CCDC88A: variants seen among roughly 807,000 people sequenced by gnomAD.
The protein encoded by CCDC88A is coiled-coil and HOOK domain protein 88A, also known as girdin.
In CCDC88A, 54 loss-of-function variants were observed where a neutral mutation model predicts 234.3. That is an observed-to-expected ratio of 0.23 (90% CI 0.19 to 0.29). The LOEUF is 0.29. Among genes scored for constraint, CCDC88A ranks in the 10% least tolerant of loss-of-function variants. The pLI, the probability that CCDC88A is intolerant of heterozygous loss-of-function variation, is 1.00. For missense variants in CCDC88A, 1,832 were observed against 2,123.4 expected, an observed-to-expected ratio of 0.86 and a Z score of 2.70; for synonymous variants, 753 against 737.8, an observed-to-expected ratio of 1.02 and a Z score of -0.33.
Position 55,317,515 on chromosome 2 carries a change from G to T in CCDC88A, c.3602+49C>A. On this transcript the variant is annotated intron_variant, in intron 20 of 32. Coordinates refer to ENST00000436346, the MANE Select transcript of CCDC88A (RefSeq NM_001365480.1). The surrounding 1 kb of genome is among the most constrained non-coding windows in gnomAD (Gnocchi z 4.2). ...ATATATAAAATTTATTATACTACTT[G>T]AAGAAAATTCATTTTAAATTCACAG... 7.3e-7 allele frequency: 1 copy of T among 1,360,708 alleles called. No individual in the cohort carries two copies. Among genetic ancestry groups the T allele is most frequent in the Middle Eastern group, 2.2e-4 (1 of 4,600 alleles). The allele number at this position is 1,360,708 out of a possible 1,614,324, so 84.3% of individuals were successfully genotyped here. A position where few individuals can be genotyped will look rare whatever the true frequency, so the allele number is the denominator to read the frequency against.
chr2:55,321,908 A>AT (rs1683676868), intron 18 of CCDC88A, among the ~76,000 whole-genome samples: 1 of 95,168 alleles, frequency 1.1e-5, no homozygotes, highest in Non-Finnish European at 2.2e-5. Flanking sequence ...TAAAGGTACT[A>AT]TTTTTGTGTT....
At chr2:55,366,766 C>T (rs771284082) in intron 5 of CCDC88A, among the ~76,000 whole-genome samples, 33 of 152,000 alleles carry the variant, frequency 2.2e-4, no homozygotes, top group Non-Finnish European at 4.0e-4. Flanking sequence ...AGAAAGAAGA[C>T]AGGTTTATAT....
chr2:55,335,250 G>A lies in CCDC88A; in HGVS notation c.1657-86C>T. On this transcript the variant is annotated intron_variant, in intron 14 of 32. Transcript: ENST00000436346. The surrounding 1 kb of genome is among the most constrained non-coding windows in gnomAD (Gnocchi z 4.5). ...TCTTCCAAAAACTACCAAGAAAAGG[G>A]GAACAAAAAAAGGGTGCTAGAACAT... The A allele has an allele frequency of 1.2e-6, 1 of 843,656 alleles. No homozygotes were observed. The allele number at this position is 843,656 out of a possible 1,614,324, so 52.3% of individuals were successfully genotyped here. A position where few individuals can be genotyped will look rare whatever the true frequency, so the allele number is the denominator to read the frequency against.
intron 17 of CCDC88A, chr2:55,323,089 G>C (rs1402364396): frequency 6.5e-6 from 1 of 152,978 alleles, no homozygotes; most frequent in Non-Finnish European, 1.5e-5. Context: ...ATCGTATTCA[G>C]GATTTTTTAG....
At chr2:55,304,924 T>C (rs1331392764) in intron 25 of CCDC88A, among the ~76,000 whole-genome samples, 3 of 152,228 alleles carry the variant, frequency 2.0e-5, no homozygotes, top group Non-Finnish European at 4.4e-5. Context: ...CACAGCTCTT[T>C]TGACAAACTA....
intron 31 of CCDC88A, chr2:55,293,685 G>C (rs1192292083): frequency 2.0e-5 from 3 of 152,068 alleles, no homozygotes; most frequent in African/African-American, 7.2e-5. Flanking sequence ...CCTTCCAGGT[G>C]CCAGGCTGAG....
intron 2 of CCDC88A, among the ~76,000 whole-genome samples, chr2:55,402,800 G>A (rs1361787423): frequency 6.6e-6 from 1 of 150,630 alleles, no homozygotes; most frequent in Non-Finnish European, 1.5e-5. Context: ...ACAAGGTCAA[G>A]AGATCGAGAC....
At chr2:55,367,951 G>A (rs1446759144) in intron 5 of CCDC88A, among the ~76,000 whole-genome samples, 1 of 152,144 alleles carries the variant, frequency 6.6e-6, no homozygotes, top group Non-Finnish European at 1.5e-5. Context: ...GCACTGATAG[G>A]TATTATGTAG....
In CCDC88A at chr2:55,288,262, C is replaced by G. The variant is rs1008654489; in HGVS notation, c.*2938G>C. On this transcript the variant is annotated 3_prime_UTR_variant, in exon 33 of 33. Coordinates refer to ENST00000436346, the MANE Select transcript of CCDC88A (RefSeq NM_001365480.1). ...TAAGGCATTTTCATTGTCCAAATAT[C>G]TCAACATGTACATCAAGGTTTATAT... 1.3e-5 allele frequency: 2 copies of G among 152,606 alleles called. No individual in the cohort carries two copies. The highest frequency in any genetic ancestry group is 2.9e-5 in the Non-Finnish European group (2 of 68,022). 9.5% of individuals were successfully genotyped at this position (152,606 alleles called of 1,614,324 possible).
intron 17 of CCDC88A, among the ~76,000 whole-genome samples, chr2:55,326,112 C>T (rs986514174): frequency 1.3e-5 from 2 of 151,736 alleles, no homozygotes; most frequent in South Asian, 2.1e-4. Context: ...TGGTTTAAAA[C>T]TGCCATCTTA....
chr2:55,411,697 T>C (rs1287921889), intron 2 of CCDC88A, among the ~76,000 whole-genome samples: 5 of 148,602 alleles, frequency 3.4e-5, no homozygotes, highest in Non-Finnish European at 4.4e-5. Flanking sequence ...GGAGAATTGG[T>C]TGAACCTGGG....
rs1057398108 is a variant in CCDC88A at position 55,315,997 on chromosome 2, T to C, written c.3864A>G (p.Glu1288=). The C allele has an allele frequency of 1.3e-6, 2 of 1,589,572 alleles. No individual in the cohort carries two copies. ...GGTATTGTTCCTTTAGTTTTGAAAA[T>C]TCAGCTTCTAATCTTGTTTGTTCCA... ...SKLEQTRLEA[E]FSKLKEQYQQ... is the part of the protein sequence containing the mutation. Residue 1288 remains glutamate (E), a synonymous_variant, in exon 22 of 33, where the codon GAA becomes GAG. Transcript: ENST00000436346.
In CCDC88A at chr2:55,296,277, T is replaced by C; in HGVS notation, c.5072A>G (p.Asn1691Ser). ...ACTAACCTGTACTGAGGTAAGCTTA[T>C]TGCTTTCTTCCAAAAACTGTTGTAG... ...VTLQQFLEES[N>S]KLTSVQIKSS... Residue 1691 changes from asparagine to serine, a missense_variant, in exon 30 of 33, where the codon AAT becomes AGT. Around this residue, in one of 6 missense-constraint regions of CCDC88A, gnomAD observed 422 missense variants for 416.5 expected, o/e 1.01. Coordinates refer to ENST00000436346, the MANE Select transcript of CCDC88A (RefSeq NM_001365480.1). The C allele has an allele frequency of 1.2e-6, 2 of 1,614,198 alleles. No homozygotes were observed. The highest frequency in any genetic ancestry group is 8.5e-7 in the Non-Finnish European group (1 of 1,180,014).
intron 29 of CCDC88A, among the ~76,000 whole-genome samples, chr2:55,298,913 C>A (rs2917774): frequency 6.7e-6 from 1 of 149,148 alleles, no homozygotes; most frequent in African/African-American, 2.5e-5. Flanking sequence ...ACAAAAAACC[C>A]TCCAGGCCGG....
intron 2 of CCDC88A, among the ~76,000 whole-genome samples, chr2:55,415,370 T>A (rs770492686): frequency 6.6e-6 from 1 of 151,970 alleles, no homozygotes; most frequent in South Asian, 2.1e-4. Flanking sequence ...TTTGCCCTCC[T>A]CCCTGAAACA....
chr2:55,418,793 C>G (rs779660110), intron 2 of CCDC88A, 23 bp downstream of exon 2: 1 of 1,568,676 alleles, frequency 6.4e-7, no homozygotes, highest in South Asian at 1.1e-5. Flanking sequence ...AAAACGTTAC[C>G]TAGGAAAGAA....
chr2:55,388,952 A>T, intron 2 of CCDC88A, 66 bp from the exon 3 acceptor site: 2 of 454,688 alleles, frequency 4.4e-6, no homozygotes, highest in Non-Finnish European at 7.6e-6. Context: ...ATATAATTAA[A>T]ATTAATCATA....
Position 55,295,836 on chromosome 2 carries a change from C to T in CCDC88A, c.5312G>A (p.Gly1771Glu). 1 of 1,614,042 alleles carries T rather than the reference C, an allele frequency of 6.2e-7. No individual in the cohort carries two copies. The highest frequency in any genetic ancestry group is 8.5e-7 in the Non-Finnish European group (1 of 1,180,014). Residue 1771 changes from glycine (G) to glutamate (E), a missense_variant, in exon 31 of 33, where the codon GGA (glycine) becomes GAA (glutamate). Gly to Glu is a moderately conservative substitution (Grantham distance 98). This residue lies in a region of CCDC88A where 422 missense variants were observed against 416.5 expected (regional missense o/e 1.01). Coordinates refer to ENST00000436346, the MANE Select transcript of CCDC88A (RefSeq NM_001365480.1). ...TCCTTGAGTGCCTGGTGTAGGTTTT[C>T]CCGCAGAACTAATGAAGTAGGTATC... is the stretch of plus-strand genomic sequence containing the variant. The part of the protein sequence containing the change: ...TEDTYFISSA[G>E]KPTPGTQGKI...
intron 25 of CCDC88A, chr2:55,307,924 G>C (rs1681823146): frequency 6.6e-6 from 1 of 151,834 alleles, no homozygotes; most frequent in African/African-American, 2.4e-5. Flanking sequence ...GAGTAGCTGG[G>C]ATTATAGGTG....
Sources: allele counts gnomAD v4.1 joint callset (sites outside exome capture counted in the v4.1 genomes callset), GRCh38; gene constraint gnomAD v4.1.1; regional missense constraint gnomAD v4.1.1; non-coding constraint Gnocchi (gnomAD v3.1); transcripts MANE v1.5; gene names NCBI Gene and HGNC (gene_info 2026-07-23, HGNC 2026-07-21).